ZC3H14: variants seen among roughly 807,000 people sequenced by gnomAD.
ZC3H14 encodes zinc finger CCCH-type containing 14.
Under a neutral mutation model 92.4 loss-of-function variants are expected in ZC3H14, and 31 were observed. The observed-to-expected ratio is 0.34, with a 90% confidence interval of 0.25 to 0.45. ZC3H14 has a LOEUF of 0.45. Ranked by LOEUF, ZC3H14 falls within the 20% of genes least tolerant of loss-of-function variation. The pLI, the probability that ZC3H14 is intolerant of heterozygous loss-of-function variation, is 1.00. For synonymous variants in ZC3H14, 321 were observed against 300.9 expected (o/e 1.07, Z -0.69); for missense variants, 781 against 897.3 (o/e 0.87, Z 1.66).
At chr14:88,563,344 C>T (rs2079112706) in intron 1 of ZC3H14, 175 bp downstream of exon 1, 8 of 1,472,198 alleles carry the variant, frequency 5.4e-6, no homozygotes, top group Admixed American at 4.7e-5. Flanking sequence ...ACATTTGCGG[C>T]CTCGGAGCGT....
Position 88,575,854 on chromosome 14 carries a change from C to T in ZC3H14, c.1037C>T (p.Pro346Leu). 6.2e-7 allele frequency: 1 copy of T among 1,613,484 alleles called. No homozygotes were observed. Residue 346 changes from proline to leucine, a missense_variant, in exon 8 of 17, where the codon CCT (proline) becomes CTT (leucine). This residue lies in a region of ZC3H14 where 454 missense variants were observed against 438.5 expected (regional missense o/e 1.04). Transcript: ENST00000251038. ...AKPERRPSLP[P>L]SKQANKNLIL... ...AACTCTTTTAGACCTTCTCTTCCACCTTCTAAACAAGCTAACAAGAATCTG... is the reference window on the plus strand; with the variant it reads ...AACTCTTTTAGACCTTCTCTTCCACTTTCTAAACAAGCTAACAAGAATCTG...
rs190351884 is a variant in ZC3H14 at position 88,615,194 on chromosome 14, G to A, written c.*3443G>A. The A allele has an allele frequency of 1.3e-5, 2 of 152,226 alleles. No homozygotes were observed. Among genetic ancestry groups the A allele is most frequent in the African/African-American group, 4.8e-5 (2 of 41,524 alleles). The allele number at this position is 152,226 out of a possible 1,614,324, so 9.4% of individuals were successfully genotyped here. ...TAGCAGCCATATACTGCTAACTTTGGATCTGTTCCTGAATTCAAAACTACT... is the reference window on the plus strand; with the variant it reads ...TAGCAGCCATATACTGCTAACTTTGAATCTGTTCCTGAATTCAAAACTACT... On this transcript the variant is annotated 3_prime_UTR_variant, in exon 17 of 17. Transcript: ENST00000251038.
chr14:88,563,740 G>C, intron 2 of ZC3H14, 47 bp downstream of exon 2: 1 of 1,576,366 alleles, frequency 6.3e-7, no homozygotes, highest in South Asian at 1.1e-5. Flanking sequence ...AGAGTTTGCA[G>C]CTAATAGAAT....
chr14:88,627,209 G>T lies in ZC3H14; in HGVS notation c.*15458G>T. The T allele has an allele frequency of 1.5e-6, 1 of 652,878 alleles. No homozygotes were observed. The highest frequency in any genetic ancestry group is 1.9e-5 in the South Asian group (1 of 51,444). The allele number at this position is 652,878 out of a possible 1,614,324, so 40.4% of individuals were successfully genotyped here. On this transcript the variant is annotated 3_prime_UTR_variant, in exon 17 of 17. Transcript: ENST00000251038. ...CAATACATGATTTACAATTATTTGT[G>T]TATTGAGTCCTTTTCACTTATCTTC...
chr14:88,591,903 C>G (rs1056595482), intron 9 of ZC3H14: 3 of 152,116 alleles, frequency 2.0e-5, no homozygotes, highest in Admixed American at 6.5e-5. Flanking sequence ...AGGTGCAGAC[C>G]CTGCAGTTTA....
At chr14:88,606,747 T>TAAA (rs34408574) in intron 12 of ZC3H14, among the ~76,000 whole-genome samples, 41 of 95,864 alleles carry the variant, frequency 4.3e-4, no homozygotes, top group African/African-American at 9.5e-4. Flanking sequence ...GACCCTGTCG[T>TAAA]AAAAAAAAAA....
chr14:88,589,652 T>G (rs2082869346), intron 9 of ZC3H14: 1 of 152,274 alleles, frequency 6.6e-6, no homozygotes, highest in Non-Finnish European at 1.5e-5. Flanking sequence ...AGTTTATTGG[T>G]GACTTCACCT....
intron 10 of ZC3H14, among the ~76,000 whole-genome samples, chr14:88,600,656 T>C (rs1284954927): frequency 6.6e-6 from 1 of 152,134 alleles, no homozygotes; most frequent in Non-Finnish European, 1.5e-5. Flanking sequence ...CTCACTATGT[T>C]GCCTAGGCCG....
intron 10 of ZC3H14, among the ~76,000 whole-genome samples, chr14:88,598,641 C>T (rs2084189207): frequency 6.6e-6 from 1 of 152,194 alleles, no homozygotes. Context: ...AACAGTGTAC[C>T]TTCAGGTGAT....
Position 88,618,533 on chromosome 14 carries a change from A to G in ZC3H14, c.*6782A>G, listed in dbSNP as rs1444587922. 7.9e-7 allele frequency: 1 copy of G among 1,272,124 alleles called. No individual in the cohort carries two copies. Among genetic ancestry groups the G allele is most frequent in the African/African-American group, 1.5e-5 (1 of 66,530 alleles). 78.8% of individuals were successfully genotyped at this position (1,272,124 alleles called of 1,614,324 possible). On this transcript the variant is annotated 3_prime_UTR_variant, in exon 17 of 17. Coordinates refer to ENST00000251038, the MANE Select transcript of ZC3H14 (RefSeq NM_024824.5). ...AGGGGAGCTGTAGGTCAGAAGGTAC[A>G]AAGGGAGGAGTTGAGAAGCTGGAGC...
rs1473796772 is a variant in ZC3H14, at chr14:88,615,035, C to CA, written c.*3285dup. 4.6e-5 allele frequency: 7 copies of CA among 152,330 alleles called. No individual in the cohort carries two copies. Among genetic ancestry groups the CA allele is most frequent in the Middle Eastern group, 3.4e-3 (1 of 294 alleles). The allele number at this position is 152,330 out of a possible 1,614,324, so 9.4% of individuals were successfully genotyped here. The stretch of plus-strand genomic sequence containing the variant: ...ATACTGTTGCTCCCTAAAACCCTTA[C>CA]ATTGTACACCATTGGGAATGATTGT... On this transcript the variant is annotated 3_prime_UTR_variant, in exon 17 of 17. Coordinates refer to ENST00000251038, the MANE Select transcript of ZC3H14 (RefSeq NM_024824.5).
At chr14:88,601,155 T>A (rs947018762) in intron 10 of ZC3H14, among the ~76,000 whole-genome samples, 1 of 152,214 alleles carries the variant, frequency 6.6e-6, no homozygotes, top group African/African-American at 2.4e-5. Flanking sequence ...TTTCTTTTTT[T>A]CTTTGTGTAT....
At chr14:88,592,083 T>G (rs1292809543) in intron 9 of ZC3H14, 1 of 152,238 alleles carries the variant, frequency 6.6e-6, no homozygotes, top group Non-Finnish European at 1.5e-5. Flanking sequence ...TATTTTCTAT[T>G]CTAAAGTTGG....
At chr14:88,606,456 G>A (rs901042212) in intron 12 of ZC3H14, among the ~76,000 whole-genome samples, 1 of 152,130 alleles carries the variant, frequency 6.6e-6, no homozygotes, top group African/African-American at 2.4e-5. Flanking sequence ...CCCATTGTAG[G>A]TAAAAATGTT....
At chr14:88,566,474 G>C (rs972095356) in intron 2 of ZC3H14, among the ~76,000 whole-genome samples, 3 of 151,992 alleles carry the variant, frequency 2.0e-5, no homozygotes, top group Non-Finnish European at 2.9e-5. Context: ...GAGAATTGAG[G>C]CTCAGAGAAA....
At chr14:88,609,462 C>T (rs1181312633) in intron 14 of ZC3H14, 59 bp downstream of exon 14, 3 of 1,609,416 alleles carry the variant, frequency 1.9e-6, no homozygotes, top group East Asian at 4.5e-5. Flanking sequence ...CATTTTGTGA[C>T]TGTAAATGGA....
chr14:88,585,765 C>T (rs116942650), intron 9 of ZC3H14, among the ~76,000 whole-genome samples: 2,057 of 152,290 alleles, frequency 0.014, 13 homozygotes, highest in Middle Eastern at 0.044. Context: ...AAGTTAATAT[C>T]CTGACCCCAC....
chr14:88,563,800 C>T, intron 2 of ZC3H14, 107 bp downstream of exon 2: 15 of 1,056,148 alleles, frequency 1.4e-5, no homozygotes, highest in Non-Finnish European at 8.8e-6. Flanking sequence ...GGAGAGACTC[C>T]CTTCTACCTT....
intron 9 of ZC3H14, among the ~76,000 whole-genome samples, chr14:88,584,832 A>G (rs573201465): frequency 1.3e-5 from 2 of 152,340 alleles, no homozygotes; most frequent in African/African-American, 4.8e-5. Flanking sequence ...AGAAGTAGAG[A>G]AAAGTCATGA....
Sources: gnomAD v4.1 joint callset for allele counts (sites outside exome capture counted in the v4.1 genomes callset) on GRCh38, gnomAD v4.1.1 for gene constraint, gnomAD v4.1.1 regional missense constraint, MANE v1.5 for transcripts, NCBI Gene and HGNC (gene_info 2026-07-23, HGNC 2026-07-21) for gene names.